Variants in DNAJB4 observed in about 807,000 individuals in gnomAD.
DNAJB4 encodes the protein dnaJ homolog subfamily B member 4.
Under a neutral mutation model 26.6 loss-of-function variants are expected in DNAJB4, and 10 were observed. The observed-to-expected ratio is 0.38, with a 90% CI of 0.23 to 0.64. DNAJB4 has a LOEUF of 0.64. Ranked by LOEUF, DNAJB4 falls within the 30% of genes least tolerant of loss-of-function variation. The pLI, the probability that DNAJB4 is intolerant of heterozygous loss-of-function variation, is 0.58. For missense variants in DNAJB4, 328 were observed against 408.2 expected (o/e 0.80, Z 1.69); for synonymous variants, 136 against 134.8 (o/e 1.01, Z -0.06).
At chr1:78,001,603 A>G (rs925261614), upstream of DNAJB4, among the ~76,000 whole-genome samples, 1 of 152,226 alleles carries the variant, frequency 6.6e-6, no homozygotes, top group African/African-American at 2.4e-5. Context: ...GAATAAAGTC[A>G]AAGTAGAAGA....
At chr1:78,009,928 A>T (rs1378374255) in intron 1 of DNAJB4, among the ~76,000 whole-genome samples, 1 of 151,884 alleles carries the variant, frequency 6.6e-6, no homozygotes, top group East Asian at 1.9e-4. Flanking sequence ...CCAGCCTAGG[A>T]TTTTTTTCAT....
At chr1:78,003,655 CTA>C (rs1379737251), upstream of DNAJB4, among the ~76,000 whole-genome samples, 1 of 151,892 alleles carries the variant, frequency 6.6e-6, no homozygotes, top group African/African-American at 2.4e-5. Context: ...ATTTATCTCT[CTA>C]ATAGAAATGG....
chr1:78,014,980 A>G (rs1490779306), intron 2 of DNAJB4, among the ~76,000 whole-genome samples: 3 of 152,132 alleles, frequency 2.0e-5, no homozygotes, highest in African/African-American at 7.2e-5. Context: ...TCTAATACCT[A>G]CCTGCTACTG....
intron 1 of DNAJB4, among the ~76,000 whole-genome samples, chr1:77,990,654 T>G (rs188420708): frequency 6.6e-6 from 1 of 152,330 alleles, no homozygotes; most frequent in Admixed American, 6.5e-5. Flanking sequence ...ACTTAAAAAG[T>G]ACTCTTCTTA....
chr1:78,014,861 A>C (rs1340130576), intron 2 of DNAJB4, among the ~76,000 whole-genome samples: 2 of 152,126 alleles, frequency 1.3e-5, no homozygotes, highest in Non-Finnish European at 2.9e-5. Flanking sequence ...TCGGCCTCCC[A>C]AAGTGCTGGG....
intron 1 of DNAJB4, chr1:77,980,339 A>ATATATATATATATG (rs1477495217): frequency 6.3e-5 from 8 of 126,134 alleles, no homozygotes; most frequent in African/African-American, 3.1e-4. Context: ...ATATATATAT[A>ATATATATATATATG]TGTGTGTGTG....
chr1:77,988,525 C>A (rs1659855013), intron 1 of DNAJB4, among the ~76,000 whole-genome samples: 1 of 152,200 alleles, frequency 6.6e-6, no homozygotes, highest in African/African-American at 2.4e-5. Context: ...CTCTATCATT[C>A]TGACTCAGCC....
In DNAJB4 at chr1:78,016,194, A is replaced by G; in HGVS notation, c.961A>G (p.Thr321Ala). The G allele has an allele frequency of 1.2e-6, 2 of 1,614,132 alleles. No homozygotes were observed. The highest frequency in any genetic ancestry group is 1.7e-4 in the Middle Eastern group (1 of 6,060). ...LIEFEVSFPDTISSSSKEVLR... is the reference protein window; with the variant it reads ...LIEFEVSFPDAISSSSKEVLR... The stretch of plus-strand genomic sequence containing the variant: ...AGAATTTGAGGTGTCCTTCCCAGAT[A>G]CTATATCTTCTTCATCCAAAGAAGT... Residue 321 changes from threonine (T) to alanine (A), a missense_variant, in exon 3 of 3, where the codon ACT becomes GCT. Transcript: ENST00000370763.
rs1042309363 is a variant in DNAJB4, at chr1:78,013,416, T to C, written c.577T>C (p.Tyr193His). The change falls in exon 2 of 3, where the codon TAC (tyrosine) becomes CAC (histidine). Residue 193 changes from tyrosine (Y) to histidine (H), a missense_variant. Coordinates refer to ENST00000370763, the MANE Select transcript of DNAJB4 (RefSeq NM_007034.5). ...RKRLNADGRS[Y>H]RSEDKILTIE... ...AAGGCTAAACGCTGATGGAAGGAGT[T>C]ACAGATCTGAGGACAAAATTCTTAC... 4 of 1,613,980 alleles carry C rather than the reference T, an allele frequency of 2.5e-6. No individual in the cohort carries two copies. In the African/African-American group the frequency reaches 5.3e-5, roughly 22 times the overall value.
intron 1 of DNAJB4, among the ~76,000 whole-genome samples, chr1:78,011,638 C>T (rs1660477080): frequency 1.3e-5 from 2 of 152,072 alleles, no homozygotes; most frequent in South Asian, 4.1e-4. Flanking sequence ...GCATGTGCCA[C>T]CATGCCCAGC....
Position 78,014,172 on chromosome 1 carries a change from A to G in DNAJB4, c.780+553A>G, listed in dbSNP as rs145707499. On this transcript the variant is annotated intron_variant, in intron 2 of 2. Coordinates refer to ENST00000370763, the MANE Select transcript of DNAJB4 (RefSeq NM_007034.5). The stretch of plus-strand genomic sequence containing the variant: ...AGTCTTGCTCTGTCACCCACAGCGC[A>G]ATCTCGGCTCACTGCAACCTCTGCC... Among the ~76,000 whole-genome samples, 928 of 150,950 alleles carry G rather than the reference A, an allele frequency of 6.1e-3. 6 individuals are homozygous for G. Among genetic ancestry groups the G allele is most frequent in the African/African-American group, 0.021 (860 of 41,016 alleles).
chr1:77,989,984 C>T (rs1268040271), intron 1 of DNAJB4, among the ~76,000 whole-genome samples: 1 of 152,262 alleles, frequency 6.6e-6, no homozygotes, highest in East Asian at 1.9e-4. Context: ...TGGCTAGAAC[C>T]ATGTCACATG....
upstream of DNAJB4, among the ~76,000 whole-genome samples, chr1:78,000,066 A>G (rs997076795): frequency 1.3e-5 from 2 of 152,238 alleles, no homozygotes; most frequent in Non-Finnish European, 2.9e-5. Context: ...AATTTTAACA[A>G]AATCAACATG....
In DNAJB4 at chr1:78,017,509, T is replaced by G. The variant is rs562648940; in HGVS notation, c.*1262T>G. 100 of 152,166 alleles carry G rather than the reference T, an allele frequency of 6.6e-4. No individual in the cohort carries two copies. Among genetic ancestry groups the G allele is most frequent in the Non-Finnish European group, 1.2e-3 (82 of 67,934 alleles). 9.4% of individuals were successfully genotyped at this position (152,166 alleles called of 1,614,324 possible). On this transcript the variant is annotated 3_prime_UTR_variant, in exon 3 of 3. Coordinates refer to ENST00000370763, the MANE Select transcript of DNAJB4 (RefSeq NM_007034.5). The stretch of plus-strand genomic sequence containing the variant: ...CATATTCTTTATTACTTTATTGAGA[T>G]ATAATTTACATGCCATAAAGTTTAC...
chr1:77,989,017 T>C (rs1659868792), intron 1 of DNAJB4, among the ~76,000 whole-genome samples: 2 of 152,202 alleles, frequency 1.3e-5, no homozygotes, highest in African/African-American at 4.8e-5. Context: ...ATAATTGACA[T>C]ACTGAACTAC....
intron 1 of DNAJB4, among the ~76,000 whole-genome samples, chr1:77,981,685 A>C (rs916560475): frequency 2.6e-5 from 4 of 152,168 alleles, no homozygotes; most frequent in Non-Finnish European, 5.9e-5. Flanking sequence ...TGAAAATATA[A>C]ATAAACTGCT....
intron 1 of DNAJB4, among the ~76,000 whole-genome samples, chr1:77,999,629 A>G (rs894977271): frequency 7.2e-5 from 11 of 152,282 alleles, no homozygotes; most frequent in African/African-American, 2.4e-4. Context: ...AGTGGTAGCA[A>G]AATAGTTTAT....
intron 1 of DNAJB4, among the ~76,000 whole-genome samples, chr1:78,012,598 T>C (rs1195552281): frequency 6.6e-6 from 1 of 151,958 alleles, no homozygotes; most frequent in Non-Finnish European, 1.5e-5. Flanking sequence ...TCACCTGAGG[T>C]TGGGAGTTCG....
upstream of DNAJB4, chr1:77,980,077 G>T (rs1004230348): frequency 2.0e-5 from 3 of 152,140 alleles, no homozygotes; most frequent in Admixed American, 2.0e-4. Flanking sequence ...TAGAGACGGG[G>T]TTTCACCGTG....
Sources: gnomAD v4.1 joint callset for allele counts (sites outside exome capture counted in the v4.1 genomes callset) on GRCh38, gnomAD v4.1.1 for gene constraint, MANE v1.5 for transcripts, NCBI Gene and HGNC (gene_info 2026-07-23, HGNC 2026-07-21) for gene names.